The following ARL15 variants were observed in gnomAD, a reference collection of about 807,000 sequenced individuals.
ARL15 encodes the protein ARF like GTPase 15, also known as ADP-ribosylation factor-like protein 15.
ARL15 carries 19 observed loss-of-function variants against 25.2 expected under a neutral mutation model. The observed-to-expected ratio is 0.75, with a 90% CI of 0.53 to 1.10. The LOEUF (loss-of-function observed/expected upper bound fraction) is 1.10. Among genes scored for constraint, ARL15 ranks in the 50% least tolerant of loss-of-function variants. The pLI, the probability that ARL15 is intolerant of heterozygous loss-of-function variation, is 0.00. For missense variants in ARL15, 220 were observed against 246.0 expected, an observed-to-expected ratio of 0.89 and a Z score of 0.71; for synonymous variants, 94 against 86.8, an observed-to-expected ratio of 1.08 and a Z score of -0.46.
chr5:54,014,537 TTGAGCTA>T, intron 4 of ARL15, among the ~76,000 whole-genome samples: 1 of 152,018 alleles, frequency 6.6e-6, no homozygotes, highest in Non-Finnish European at 1.5e-5. Context: ...TTTTTTTTTT[TTGAGCTA>T]GAGTCTTGCT....
chr5:54,283,223 G>A (rs1258362679), intron 1 of ARL15, among the ~76,000 whole-genome samples: 1 of 152,186 alleles, frequency 6.6e-6, no homozygotes, highest in African/African-American at 2.4e-5. Flanking sequence ...AGACCAAGAA[G>A]TCGCATCAGA....
At chr5:54,034,730 C>T (rs1750111779) in intron 4 of ARL15, among the ~76,000 whole-genome samples, 2 of 152,174 alleles carry the variant, frequency 1.3e-5, no homozygotes, top group South Asian at 4.1e-4. Flanking sequence ...ACAATCATAG[C>T]TCACTATAAC....
chr5:54,175,758 T>A (rs1320596272), intron 1 of ARL15, among the ~76,000 whole-genome samples: 2 of 151,192 alleles, frequency 1.3e-5, no homozygotes, highest in Non-Finnish European at 2.9e-5. Context: ...GCTCAAGCAA[T>A]CCTCCCACCT....
At chr5:53,949,404 TA>T (rs1230845057) in intron 4 of ARL15, among the ~76,000 whole-genome samples, 1 of 152,244 alleles carries the variant, frequency 6.6e-6, no homozygotes, top group African/African-American at 2.4e-5. Context: ...GGAAGTTGCC[TA>T]AAAAGTTGCT....
At chr5:54,010,843 C>CA (rs895748561) in intron 4 of ARL15, among the ~76,000 whole-genome samples, 14 of 151,856 alleles carry the variant, frequency 9.2e-5, no homozygotes, top group African/African-American at 2.9e-4. Flanking sequence ...ACTGAAAATA[C>CA]AAAAAATTAG....
intron 1 of ARL15, among the ~76,000 whole-genome samples, chr5:54,184,248 A>AT (rs552051807): frequency 0.042 from 962 of 23,132 alleles, 8 homozygotes; most frequent in African/African-American, 0.15. Context: ...TTAAAGTATA[A>AT]TAAAAAAAAA....
At chr5:54,289,304 G>C (rs1712569208) in intron 1 of ARL15, among the ~76,000 whole-genome samples, 1 of 151,872 alleles carries the variant, frequency 6.6e-6, no homozygotes, top group African/African-American at 2.4e-5. Flanking sequence ...ACACTCCAGT[G>C]GTAGTGGCAC....
intron 3 of ARL15, among the ~76,000 whole-genome samples, chr5:54,137,003 A>C (rs767975509): frequency 6.6e-6 from 1 of 151,640 alleles, no homozygotes; most frequent in Non-Finnish European, 1.5e-5. Context: ...AGATATTAAA[A>C]TGTTTTGTTG....
Position 54,310,468 on chromosome 5 carries a change from G to A in ARL15, c.12C>T (p.Leu4=). ...TGTACAGAAACGCCTCAGTTATTCG[G>A]AGATCAGACATCCGGCAGCCTAAAG... is the stretch of plus-strand genomic sequence containing the variant. MSD[L]RITEAFLYMD... The change falls in exon 1 of 5, where the codon CTC becomes CTT. Residue 4 remains leucine, a synonymous_variant. Transcript: ENST00000504924. The A allele has an allele frequency of 7.5e-6, 12 of 1,606,612 alleles. No individual in the cohort carries two copies. The highest frequency in any genetic ancestry group is 1.0e-5 in the Non-Finnish European group (12 of 1,176,826).
intron 4 of ARL15, among the ~76,000 whole-genome samples, chr5:53,943,660 G>T (rs1163447113): frequency 6.6e-6 from 1 of 152,200 alleles, no homozygotes; most frequent in Non-Finnish European, 1.5e-5. Flanking sequence ...TAATGGCCAA[G>T]TCTGGTTGAG....
intron 4 of ARL15, among the ~76,000 whole-genome samples, chr5:54,112,568 C>A (rs1341154524): frequency 6.6e-6 from 1 of 152,190 alleles, no homozygotes; most frequent in East Asian, 1.9e-4. Context: ...TCACATATCT[C>A]ATTACTGCAG....
rs13168084 is a variant in ARL15, at chr5:53,904,966, G to A, written c.463-18253C>T. ...TGGTCTCGAACTCCTGACCTCAGAT[G>A]ATCTGACCACCTCAGCCTCCCAAAG... On this transcript the variant is annotated intron_variant, in intron 4 of 4. Coordinates refer to ENST00000504924, the MANE Select transcript of ARL15 (RefSeq NM_019087.3). 3.6e-3 allele frequency among the ~76,000 whole-genome samples: 550 copies of A among 152,166 alleles called. 9 individuals carry two copies. The East Asian group carries it at 0.057, about 16-fold the overall frequency.
intron 4 of ARL15, among the ~76,000 whole-genome samples, chr5:53,995,901 AC>A (rs1268327276): frequency 2.2e-4 from 33 of 152,312 alleles, no homozygotes; most frequent in African/African-American, 7.2e-4. Flanking sequence ...TAAAACAGAA[AC>A]AAAAACAGAA....
chr5:54,097,334 C>A (rs909696856), intron 4 of ARL15, among the ~76,000 whole-genome samples: 9 of 152,002 alleles, frequency 5.9e-5, no homozygotes, highest in African/African-American at 1.2e-4. Context: ...AACAAACAAA[C>A]AAAAAACTTA....
intron 4 of ARL15, among the ~76,000 whole-genome samples, chr5:53,922,046 C>T (rs1418490856): frequency 6.6e-6 from 1 of 152,182 alleles, no homozygotes; most frequent in East Asian, 1.9e-4. Flanking sequence ...TCAATATCTG[C>T]TCATCAAACT....
chr5:53,961,324 C>G (rs1055223092), intron 4 of ARL15, among the ~76,000 whole-genome samples: 4 of 151,592 alleles, frequency 2.6e-5, no homozygotes, highest in Admixed American at 6.6e-5. Flanking sequence ...ATGGTGAAAC[C>G]CCATCTCTAC....
chr5:54,249,235 T>C (rs769141935), intron 1 of ARL15, among the ~76,000 whole-genome samples: 8 of 152,082 alleles, frequency 5.3e-5, no homozygotes, highest in Non-Finnish European at 1.2e-4. Flanking sequence ...ATAAAATTAG[T>C]TGAGCTGAGG....
Position 53,886,634 on chromosome 5 carries a change from TC to T in ARL15, c.541del (p.Asp181MetfsTer3). On this transcript the variant is annotated frameshift_variant, in exon 5 of 5. Coordinates refer to ENST00000504924, the MANE Select transcript of ARL15 (RefSeq NM_019087.3). LOFTEE classifies it high-confidence loss of function. ...CTGAGAGAAGCTGTCTTTCAGTGCATCCATGTCATCCAGTGAGCAGGGCTGT... is the reference window on the plus strand; with the variant it reads ...CTGAGAGAAGCTGTCTTTCAGTGCATCATGTCATCCAGTGAGCAGGGCTGT... ...ILQPCSLDDM[D>X]ALKDSFSQLI... is the part of the protein sequence containing the mutation. 1 of 1,571,944 alleles carries T rather than the reference TC, an allele frequency of 6.4e-7. No homozygotes were observed. The highest frequency in any genetic ancestry group is 1.8e-5 in the Admixed American group (1 of 54,130).
At chr5:54,269,595 A>G (rs1250156014) in intron 1 of ARL15, among the ~76,000 whole-genome samples, 1 of 152,206 alleles carries the variant, frequency 6.6e-6, no homozygotes, top group Non-Finnish European at 1.5e-5. Context: ...TCTTAATGAG[A>G]TGGATAGGTT....
Sources: gnomAD v4.1 joint callset for allele counts (sites outside exome capture counted in the v4.1 genomes callset) on GRCh38, gnomAD v4.1.1 for gene constraint, MANE v1.5 for transcripts, NCBI Gene and HGNC (gene_info 2026-07-23, HGNC 2026-07-21) for gene names.